The following DCLK1 variants were observed in gnomAD, a reference collection of about 807,000 sequenced individuals.
The protein encoded by DCLK1 is serine/threonine-protein kinase DCLK1.
A neutral mutation model predicts 86.2 loss-of-function variants in DCLK1; 16 were observed. The observed-to-expected ratio is 0.19, with a 90% confidence interval of 0.13 to 0.28. DCLK1 has a LOEUF of 0.28. Ranked by LOEUF, DCLK1 falls within the 10% of genes least tolerant of loss-of-function variation. The probability of loss-of-function intolerance (pLI) is 1.00; values close to 1 mark genes in which losing one functional copy is unlikely to be tolerated. For missense variants in DCLK1, 590 were observed against 940.2 expected (o/e 0.63, Z 4.87); for synonymous variants, 369 against 370.5 (o/e 1.00, Z 0.05).
rs535593008 is a variant in DCLK1 at position 36,112,786 on chromosome 13, T to C, written c.377-571A>G. On this transcript the variant is annotated intron_variant, in intron 2 of 16. Transcript: ENST00000360631. Reference sequence around the variant, plus strand: ...AGTGCCAATCACAGTGATCCACACATACTATAAGGTCAATTCATACTTGTT... The same window carrying C: ...AGTGCCAATCACAGTGATCCACACACACTATAAGGTCAATTCATACTTGTT... 7.9e-5 allele frequency among the ~76,000 whole-genome samples: 12 copies of C among 152,332 alleles called. No individual in the cohort carries two copies. The East Asian group carries it at 2.3e-3, about 29-fold the overall frequency.
intron 4 of DCLK1, among the ~76,000 whole-genome samples, chr13:35,940,474 G>GGT (rs1350493679): frequency 1.3e-5 from 2 of 152,102 alleles, no homozygotes; most frequent in Admixed American, 6.6e-5. Context: ...TTTGTGAGGA[G>GGT]GTGTGGTCTT....
chr13:35,947,796 A>G (rs964887630), intron 3 of DCLK1, among the ~76,000 whole-genome samples: 1 of 152,212 alleles, frequency 6.6e-6, no homozygotes, highest in Admixed American at 6.5e-5. Context: ...ACTCTTTGAT[A>G]GCAACACAAG....
At chr13:36,012,100 T>C (rs1174156964) in intron 3 of DCLK1, among the ~76,000 whole-genome samples, 2 of 140,164 alleles carry the variant, frequency 1.4e-5, no homozygotes, top group Admixed American at 7.2e-5. Context: ...CTCCATCCTT[T>C]TATTTTGAGC....
At chr13:36,098,194 C>T (rs1357408285) in intron 3 of DCLK1, among the ~76,000 whole-genome samples, 1 of 152,188 alleles carries the variant, frequency 6.6e-6, no homozygotes, top group Non-Finnish European at 1.5e-5. Flanking sequence ...AAGCCTCACC[C>T]CCAGGGACAG....
chr13:35,979,804 C>A (rs1174527218), intron 3 of DCLK1, among the ~76,000 whole-genome samples: 1 of 152,204 alleles, frequency 6.6e-6, no homozygotes, highest in Non-Finnish European at 1.5e-5. Context: ...CAACCACATG[C>A]AGGCGGCCTG....
chr13:35,993,644 C>T (rs1176109373), intron 3 of DCLK1, among the ~76,000 whole-genome samples: 1 of 152,058 alleles, frequency 6.6e-6, no homozygotes. Context: ...CCTTCATTAC[C>T]AAGTGGTTGT....
At chr13:36,007,211 C>A (rs1294227062) in intron 3 of DCLK1, among the ~76,000 whole-genome samples, 1 of 152,136 alleles carries the variant, frequency 6.6e-6, no homozygotes, top group African/African-American at 2.4e-5. Context: ...CACAGACCTT[C>A]GGGAACAGCC....
intron 4 of DCLK1, 95 bp downstream of exon 4, chr13:35,947,263 G>T: frequency 3.6e-6 from 3 of 843,988 alleles, no homozygotes; most frequent in Non-Finnish European, 5.7e-6. Context: ...AAACTGATTT[G>T]GTAGCTTTGG....
chr13:36,120,309 CAT>C (rs1885940643), intron 2 of DCLK1, among the ~76,000 whole-genome samples: 1 of 152,116 alleles, frequency 6.6e-6, no homozygotes, highest in African/African-American at 2.4e-5. Context: ...AAAATAGAGT[CAT>C]GTGCCACAAT....
intron 3 of DCLK1, among the ~76,000 whole-genome samples, chr13:35,999,293 C>A (rs1880609784): frequency 1.3e-5 from 2 of 152,122 alleles, no homozygotes; most frequent in Non-Finnish European, 2.9e-5. Flanking sequence ...TTTCTGCTCC[C>A]ACAATTACAC....
chr13:35,950,920 C>A (rs1216343684), intron 3 of DCLK1, among the ~76,000 whole-genome samples: 1 of 151,948 alleles, frequency 6.6e-6, no homozygotes, highest in Admixed American at 6.6e-5. Context: ...CCTTTACTCC[C>A]AGCACCAAGT....
chr13:36,003,862 G>A (rs1258007918), intron 3 of DCLK1, among the ~76,000 whole-genome samples: 1 of 152,064 alleles, frequency 6.6e-6, no homozygotes, highest in Non-Finnish European at 1.5e-5. Context: ...TGCATTTTCT[G>A]TTGCCAATTT....
chr13:36,078,574 T>C (rs1166458496), intron 3 of DCLK1, among the ~76,000 whole-genome samples: 2 of 152,194 alleles, frequency 1.3e-5, no homozygotes, highest in African/African-American at 2.4e-5. Flanking sequence ...AAATTGTAGA[T>C]ACTGAAACAT....
intron 5 of DCLK1, among the ~76,000 whole-genome samples, chr13:35,865,385 TAAG>T (rs1252062233): frequency 6.6e-6 from 1 of 152,242 alleles, no homozygotes; most frequent in African/African-American, 2.4e-5. Context: ...CTCATTTCTT[TAAG>T]AAGCAGCTAG....
chr13:36,123,125 T>C (rs1389342297), intron 2 of DCLK1, among the ~76,000 whole-genome samples: 1 of 152,142 alleles, frequency 6.6e-6, no homozygotes, highest in African/African-American at 2.4e-5. Context: ...CATCATCATA[T>C]TGGAAGGGGA....
At chr13:35,853,676 C>T (rs1275129664) in intron 6 of DCLK1, among the ~76,000 whole-genome samples, 2 of 152,160 alleles carry the variant, frequency 1.3e-5, no homozygotes, top group African/African-American at 4.8e-5. Context: ...GGAGTTCTCG[C>T]TTATTAAAGT....
intron 16 of DCLK1, among the ~76,000 whole-genome samples, chr13:35,778,994 C>G (rs1180544569): frequency 6.6e-6 from 1 of 152,038 alleles, no homozygotes; most frequent in African/African-American, 2.4e-5. Context: ...CTCTTTCTCT[C>G]TCTGCCCACT....
intron 3 of DCLK1, among the ~76,000 whole-genome samples, chr13:36,045,068 G>A (rs1418396262): frequency 1.3e-5 from 2 of 150,938 alleles, no homozygotes; most frequent in African/African-American, 2.4e-5. Flanking sequence ...CTTAATCTGA[G>A]TAGAAGGATT....
chr13:35,860,029 C>T (rs966110801), intron 5 of DCLK1, among the ~76,000 whole-genome samples: 6 of 152,166 alleles, frequency 3.9e-5, no homozygotes, highest in Admixed American at 6.5e-5. Context: ...ACTTTTTGGA[C>T]GTGAAATCCA....
Sources: allele counts gnomAD v4.1 joint callset (sites outside exome capture counted in the v4.1 genomes callset), GRCh38; gene constraint gnomAD v4.1.1; transcripts MANE v1.5; gene names NCBI Gene and HGNC (gene_info 2026-07-23, HGNC 2026-07-21).